Variants in VWC2 observed in about 807,000 individuals in gnomAD.
VWC2 encodes the protein brorin.
Under a neutral mutation model 29.8 loss-of-function variants are expected in VWC2, and 14 were observed. The observed-to-expected ratio is 0.47, with a 90% confidence interval of 0.31 to 0.74. The LOEUF (loss-of-function observed/expected upper bound fraction) is 0.74. Among genes scored for constraint, VWC2 ranks in the 30% least tolerant of loss-of-function variants. The pLI, the probability that VWC2 is intolerant of heterozygous loss-of-function variation, is 0.05. For missense variants in VWC2, 457 were observed against 459.8 expected, an observed-to-expected ratio of 0.99 and a Z score of 0.05; for synonymous variants, 213 against 199.0, an observed-to-expected ratio of 1.07 and a Z score of -0.59.
intron 3 of VWC2, among the ~76,000 whole-genome samples, chr7:49,822,645 G>T: frequency 6.6e-6 from 1 of 152,104 alleles, no homozygotes; most frequent in East Asian, 1.9e-4. Flanking sequence ...CACCATGTTG[G>T]CCAGGCTGGT....
chr7:49,829,538 T>G (rs925272618), intron 3 of VWC2, among the ~76,000 whole-genome samples: 2 of 152,194 alleles, frequency 1.3e-5, no homozygotes, highest in Admixed American at 1.3e-4. Context: ...TTGTTGAAGC[T>G]CATGGGAAAG....
chr7:49,879,969 CTG>C (rs1791599276), intron 3 of VWC2, among the ~76,000 whole-genome samples: 3 of 152,122 alleles, frequency 2.0e-5, no homozygotes, highest in Non-Finnish European at 4.4e-5. Context: ...ATTCTTCTCT[CTG>C]TTTTATTGTT....
In VWC2 at chr7:49,919,129, G is replaced by A. The variant is rs1229096935; in HGVS notation, c.*6944G>A. 6.6e-6 allele frequency: 1 copy of A among 151,806 alleles called. No individual in the cohort carries two copies. The highest frequency in any genetic ancestry group is 1.5e-5 in the Non-Finnish European group (1 of 68,020). The allele number at this position is 151,806 out of a possible 1,614,324, so 9.4% of individuals were successfully genotyped here. On this transcript the variant is annotated 3_prime_UTR_variant, in exon 4 of 4. Transcript: ENST00000340652. ...CCAAAGCTATCCTACATGGGGCACA[G>A]TCAGGACTGGAATGGATAGCTCTAC...
In VWC2 at chr7:49,776,061, C is replaced by T; in HGVS notation, c.626C>T (p.Pro209Leu). 1 of 1,554,406 alleles carries T rather than the reference C, an allele frequency of 6.4e-7. No homozygotes were observed. Among genetic ancestry groups the T allele is most frequent in the Admixed American group, 1.9e-5 (1 of 53,318 alleles). ...CACGTCGACACGAGCCAGTGCTGCC[C>T]GCAGTGCAAGGAGAGGAAGAACTAC... ...CIHVDTSQCC[P>L]QCKERKNYCE... Residue 209 changes from proline (P) to leucine (L), a missense_variant, in exon 2 of 4, where the codon CCG (proline) becomes CTG (leucine). By Grantham distance (98) the Pro-to-Leu change is moderately conservative. This residue lies in a region of VWC2 where 185 missense variants were observed against 257.1 expected (regional missense o/e 0.72). Transcript: ENST00000340652.
chr7:49,830,727 T>C (rs550243426), intron 3 of VWC2, among the ~76,000 whole-genome samples: 2 of 152,176 alleles, frequency 1.3e-5, no homozygotes, highest in Non-Finnish European at 2.9e-5. Context: ...GTCCAAGTGT[T>C]CTCATTGTTC....
intron 3 of VWC2, among the ~76,000 whole-genome samples, chr7:49,839,873 A>G (rs925547576): frequency 1.3e-5 from 2 of 152,262 alleles, no homozygotes; most frequent in African/African-American, 4.8e-5. Flanking sequence ...AAGCATTCAA[A>G]GAAGATCTGG....
chr7:49,776,182 G>C (rs1268719423), intron 2 of VWC2, 51 bp downstream of exon 2: 2 of 1,433,008 alleles, frequency 1.4e-6, no homozygotes, highest in East Asian at 5.0e-5. Flanking sequence ...GGAAGGGGTG[G>C]AACAGCTTTG....
chr7:49,785,194 T>C (rs1459005305), intron 2 of VWC2, among the ~76,000 whole-genome samples: 1 of 151,900 alleles, frequency 6.6e-6, no homozygotes, highest in Non-Finnish European at 1.5e-5. Flanking sequence ...TAGATGCAGT[T>C]TAAGATATAA....
chr7:49,803,417 G>A (rs1788792145), intron 3 of VWC2, among the ~76,000 whole-genome samples: 1 of 152,172 alleles, frequency 6.6e-6, no homozygotes, highest in Admixed American at 6.5e-5. Flanking sequence ...AGGTACTGAG[G>A]GCATTACACT....
At chr7:49,800,736 A>C (rs1362283901) in intron 2 of VWC2, among the ~76,000 whole-genome samples, 3 of 151,592 alleles carry the variant, frequency 2.0e-5, no homozygotes, top group Non-Finnish European at 4.4e-5. Context: ...CTATGTATAT[A>C]TCCCCCTTGA....
intron 3 of VWC2, among the ~76,000 whole-genome samples, chr7:49,908,689 GAGA>G (rs2128741287): frequency 6.6e-6 from 1 of 152,132 alleles, no homozygotes; most frequent in African/African-American, 2.4e-5. Context: ...AAAAGGAAGA[GAGA>G]AGGTTAATTA....
chr7:49,898,578 A>G (rs1376681150), intron 3 of VWC2, among the ~76,000 whole-genome samples: 1 of 152,112 alleles, frequency 6.6e-6, no homozygotes, highest in East Asian at 1.9e-4. Flanking sequence ...ACATATGTAT[A>G]TACACACACA....
At chr7:49,792,015 G>T (rs1484749321) in intron 2 of VWC2, among the ~76,000 whole-genome samples, 1 of 152,138 alleles carries the variant, frequency 6.6e-6, no homozygotes, top group Non-Finnish European at 1.5e-5. Flanking sequence ...AGGGCCAAAG[G>T]GAAACACTGG....
chr7:49,844,914 C>A (rs932859318), intron 3 of VWC2, among the ~76,000 whole-genome samples: 3 of 152,184 alleles, frequency 2.0e-5, no homozygotes, highest in Non-Finnish European at 4.4e-5. Context: ...AACTCCTGAC[C>A]CCAGGTGATC....
intron 3 of VWC2, among the ~76,000 whole-genome samples, chr7:49,814,899 C>T (rs760998346): frequency 1.3e-4 from 20 of 152,176 alleles, no homozygotes; most frequent in South Asian, 2.1e-4. Flanking sequence ...GAACTTTCTC[C>T]GGTTGCTTCC....
chr7:49,831,611 C>G (rs536497195), intron 3 of VWC2, among the ~76,000 whole-genome samples: 2 of 152,180 alleles, frequency 1.3e-5, no homozygotes, highest in Non-Finnish European at 2.9e-5. Flanking sequence ...GAAACAGACA[C>G]TAAGGAAGCA....
At chr7:49,832,109 A>G (rs1789546086) in intron 3 of VWC2, among the ~76,000 whole-genome samples, 1 of 152,180 alleles carries the variant, frequency 6.6e-6, no homozygotes, top group Admixed American at 6.5e-5. Flanking sequence ...ATTATTTATG[A>G]GGCAGAAAAA....
chr7:49,857,163 AC>A (rs1790459890), intron 3 of VWC2, among the ~76,000 whole-genome samples: 1 of 152,014 alleles, frequency 6.6e-6, no homozygotes, highest in Non-Finnish European at 1.5e-5. Context: ...GAAACTTTAT[AC>A]CCATTCAACA....
intron 3 of VWC2, among the ~76,000 whole-genome samples, chr7:49,888,582 ATCCCAGCACAC>A (rs1210433082): frequency 1.3e-5 from 2 of 152,180 alleles, no homozygotes; most frequent in Non-Finnish European, 2.9e-5. Context: ...GGCAGCCTGC[ATCCCAGCACAC>A]TCCCTGGCCC....
Sources: gnomAD v4.1 joint callset for allele counts (sites outside exome capture counted in the v4.1 genomes callset) on GRCh38, gnomAD v4.1.1 for gene constraint, gnomAD v4.1.1 regional missense constraint, MANE v1.5 for transcripts, NCBI Gene and HGNC (gene_info 2026-07-23, HGNC 2026-07-21) for gene names.